The following HCRTR2 variants were observed in gnomAD, a reference collection of about 807,000 sequenced individuals.
HCRTR2 encodes the protein hypocretin receptor 2, also known as orexin receptor type 2.
HCRTR2 carries 22 observed loss-of-function variants against 49.0 expected under a neutral mutation model. The observed-to-expected ratio is 0.45, with a 90% CI of 0.32 to 0.64. HCRTR2 has a LOEUF of 0.64. HCRTR2 is among the 30% of genes least tolerant of loss of function. The probability of loss-of-function intolerance (pLI) is 0.04; values close to 1 mark genes in which losing one functional copy is unlikely to be tolerated. For synonymous variants in HCRTR2, 236 were observed against 205.3 expected (o/e 1.15, Z -1.28); for missense variants, 491 against 559.4 (o/e 0.88, Z 1.23).
chr6:55,234,508 C>T (rs1766177990), intron 1 of HCRTR2, among the ~76,000 whole-genome samples: 1 of 152,082 alleles, frequency 6.6e-6, no homozygotes, highest in Admixed American at 6.5e-5. Context: ...TTTATTAATT[C>T]TGAAAAAGAT....
At chr6:55,253,872 T>A (rs9370407) in intron 2 of HCRTR2, among the ~76,000 whole-genome samples, 1 of 151,914 alleles carries the variant, frequency 6.6e-6, no homozygotes. Flanking sequence ...CACTGGGGCC[T>A]TTCAGAGGGT....
chr6:55,137,361 C>T (rs1321639311), intron 1 of HCRTR2, among the ~76,000 whole-genome samples: 2 of 152,126 alleles, frequency 1.3e-5, no homozygotes, highest in Admixed American at 6.5e-5. Flanking sequence ...TCTGAGATTA[C>T]GGACAATTCT....
At chr6:55,134,958 C>T (rs1581789349) in intron 1 of HCRTR2, among the ~76,000 whole-genome samples, 1 of 152,056 alleles carries the variant, frequency 6.6e-6, no homozygotes, top group East Asian at 1.9e-4. Context: ...ACATGGAGTG[C>T]AGATATTTCT....
chr6:55,107,396 A>G (rs1181757744), intron 1 of HCRTR2, among the ~76,000 whole-genome samples: 1 of 152,038 alleles, frequency 6.6e-6, no homozygotes, highest in African/African-American at 2.4e-5. Context: ...TAATCCATAC[A>G]TTTATGAATA....
chr6:55,246,259 C>T (rs968167614), intron 1 of HCRTR2, among the ~76,000 whole-genome samples: 1 of 151,998 alleles, frequency 6.6e-6, no homozygotes, highest in Non-Finnish European at 1.5e-5. Context: ...TACTTTTTTA[C>T]AGCAGCCTTA....
chr6:55,112,706 A>G (rs1409062029), intron 1 of HCRTR2, among the ~76,000 whole-genome samples: 1 of 152,022 alleles, frequency 6.6e-6, no homozygotes, highest in Non-Finnish European at 1.5e-5. Context: ...TGTGAAAATG[A>G]CAATACTGCA....
At chr6:55,276,244 T>C (rs1767074588) in intron 4 of HCRTR2, among the ~76,000 whole-genome samples, 1 of 152,194 alleles carries the variant, frequency 6.6e-6, no homozygotes, top group Non-Finnish European at 1.5e-5. Context: ...CAAGGGCAGG[T>C]CTTTGTTAAC....
At chr6:55,129,596 C>T (rs9396049) in intron 1 of HCRTR2, among the ~76,000 whole-genome samples, 3,737 of 152,122 alleles carry the variant, frequency 0.025, 64 homozygotes, top group East Asian at 0.057. Flanking sequence ...TGTGTTCTGA[C>T]ATACACAATA....
chr6:55,217,803 C>T (rs1449316762), intron 1 of HCRTR2, among the ~76,000 whole-genome samples: 1 of 152,134 alleles, frequency 6.6e-6, no homozygotes, highest in Non-Finnish European at 1.5e-5. Flanking sequence ...TTTTTGCCTG[C>T]TCCTCCAAAC....
intron 1 of HCRTR2, among the ~76,000 whole-genome samples, chr6:55,142,442 T>C (rs768157807): frequency 9.3e-5 from 14 of 150,812 alleles, no homozygotes; most frequent in Non-Finnish European, 1.9e-4. Context: ...TCTCCTGACC[T>C]CGTGATCCAC....
chr6:55,137,090 C>CT (rs1764443943), intron 1 of HCRTR2, among the ~76,000 whole-genome samples: 1 of 152,202 alleles, frequency 6.6e-6, no homozygotes, highest in South Asian at 2.1e-4. Flanking sequence ...TAGGAGCCTT[C>CT]TTTCAAGATG....
intron 1 of HCRTR2, among the ~76,000 whole-genome samples, chr6:55,234,586 C>A (rs1360324370): frequency 6.6e-6 from 1 of 151,936 alleles, no homozygotes; most frequent in Non-Finnish European, 1.5e-5. Flanking sequence ...TAATGAAAGC[C>A]CTAGAGAGTA....
At chr6:55,229,560 A>G (rs1766075405) in intron 1 of HCRTR2, among the ~76,000 whole-genome samples, 1 of 152,230 alleles carries the variant, frequency 6.6e-6, no homozygotes, top group Admixed American at 6.5e-5. Flanking sequence ...GCCTTAAAAA[A>G]GAAGGGTATC....
chr6:55,116,830 C>T (rs899762804), intron 1 of HCRTR2, among the ~76,000 whole-genome samples: 38 of 151,636 alleles, frequency 2.5e-4, no homozygotes, highest in Admixed American at 4.0e-4. Context: ...TAAGTTGGTT[C>T]AGAAACTCCC....
intron 1 of HCRTR2, among the ~76,000 whole-genome samples, chr6:55,226,870 C>T (rs543966141): frequency 1.3e-5 from 2 of 151,804 alleles, no homozygotes; most frequent in African/African-American, 4.8e-5. Flanking sequence ...AGGTGCCCGC[C>T]ACCACGCCCG....
upstream of HCRTR2, among the ~76,000 whole-genome samples, chr6:55,171,394 C>T (rs1035648146): frequency 3.3e-5 from 5 of 152,062 alleles, no homozygotes; most frequent in African/African-American, 1.2e-4. Context: ...GGATTGATTC[C>T]TTTTCCCTAC....
chr6:55,177,938 G>A (rs1396948214), intron 1 of HCRTR2, among the ~76,000 whole-genome samples: 1 of 152,184 alleles, frequency 6.6e-6, no homozygotes, highest in Non-Finnish European at 1.5e-5. Flanking sequence ...TTCTAAGGAA[G>A]GAGCATAGGG....
chr6:55,202,243 C>T (rs1157330365), intron 1 of HCRTR2, among the ~76,000 whole-genome samples: 1 of 152,088 alleles, frequency 6.6e-6, no homozygotes, highest in Non-Finnish European at 1.5e-5. Flanking sequence ...TACTTGATGG[C>T]TGCATATATT....
chr6:55,277,517 G>A lies in HCRTR2; in HGVS notation c.900G>A (p.Arg300=). The change falls in exon 5 of 7, where the codon AGG becomes AGA. Residue 300 remains arginine, a synonymous_variant. Transcript: ENST00000370862. ...AAEIKQIRAR[R]KTARMLMIVL... Reference sequence around the variant, plus strand: ...AAATAAAGCAGATCCGAGCCAGAAGGAAAACAGCCCGGATGTTGATGATTG... The same window carrying A: ...AAATAAAGCAGATCCGAGCCAGAAGAAAAACAGCCCGGATGTTGATGATTG... 6.2e-7 allele frequency: 1 copy of A among 1,614,120 alleles called. No homozygotes were observed. Among genetic ancestry groups the A allele is most frequent in the Non-Finnish European group, 8.5e-7 (1 of 1,180,006 alleles).
Sources: allele counts gnomAD v4.1 joint callset (sites outside exome capture counted in the v4.1 genomes callset), GRCh38; gene constraint gnomAD v4.1.1; transcripts MANE v1.5; gene names NCBI Gene and HGNC (gene_info 2026-07-23, HGNC 2026-07-21).